The following KDM4B variants were observed in gnomAD, a reference collection of about 807,000 sequenced individuals.
The protein encoded by KDM4B is lysine demethylase 4B.
In KDM4B, 32 loss-of-function variants were observed where a neutral mutation model predicts 125.2. The ratio of observed to expected loss-of-function variants is 0.26; its 90% CI spans 0.19 to 0.34. The LOEUF (loss-of-function observed/expected upper bound fraction) is 0.34. Ranked by LOEUF, KDM4B falls within the 10% of genes least tolerant of loss-of-function variation. KDM4B has a pLI of 1.00. For synonymous variants in KDM4B, 721 were observed against 677.9 expected (o/e 1.06, Z -0.99); for missense variants, 1,190 against 1,577.7 (o/e 0.75, Z 4.16).
Position 5,040,094 on chromosome 19 carries a change from C to T in KDM4B, c.317+83C>T, listed in dbSNP as rs7259650. On this transcript the variant is annotated intron_variant, in intron 4 of 22. Coordinates refer to ENST00000159111, the MANE Select transcript of KDM4B (RefSeq NM_015015.3). ...GGGGGCCCTGGGGGCAGAGAAGGTG[C>T]GGTACACGCAGCCCCCACAGCATGG... is the stretch of plus-strand genomic sequence containing the variant. The T allele has an allele frequency of 6.6e-4, 915 of 1,395,644 alleles. 2 individuals are homozygous for T. In the African/African-American group the frequency reaches 8.2e-3, roughly 12 times the overall value. The allele number at this position is 1,395,644 out of a possible 1,614,324, so 86.5% of individuals were successfully genotyped here.
intron 2 of KDM4B, among the ~76,000 whole-genome samples, chr19:5,031,337 C>T (rs2036448982): frequency 6.6e-6 from 1 of 152,254 alleles, no homozygotes; most frequent in Non-Finnish European, 1.5e-5. Context: ...TGACAGGTGC[C>T]TTGCCTTGAC....
intron 18 of KDM4B, among the ~76,000 whole-genome samples, chr19:5,139,069 C>A (rs892427612): frequency 3.9e-5 from 6 of 152,176 alleles, no homozygotes; most frequent in Admixed American, 1.3e-4. Context: ...ACCACAAGCA[C>A]GTGCCAAAAA....
chr19:4,989,572 C>T (rs999754310), intron 1 of KDM4B, among the ~76,000 whole-genome samples: 2 of 151,760 alleles, frequency 1.3e-5, no homozygotes, highest in African/African-American at 4.8e-5. Context: ...AACTCCTGAC[C>T]TCAGGTGATC....
intron 6 of KDM4B, among the ~76,000 whole-genome samples, chr19:5,068,701 C>G (rs1438010726): frequency 6.6e-6 from 1 of 152,212 alleles, no homozygotes; most frequent in Non-Finnish European, 1.5e-5. Context: ...GGTGGCGGAG[C>G]CCAGAAGTCT....
At chr19:5,091,719 G>GAGCCCAGGGGGAGGC (rs1371237187) in intron 9 of KDM4B, among the ~76,000 whole-genome samples, 16 of 150,092 alleles carry the variant, frequency 1.1e-4, no homozygotes, top group African/African-American at 2.4e-4. Flanking sequence ...CAGGGGGAGG[G>GAGCCCAGGGGGAGGC]AGCCCAGGGG....
chr19:5,111,796 C>A, intron 10 of KDM4B: 1 of 765,208 alleles, frequency 1.3e-6, no homozygotes, highest in Non-Finnish European at 2.4e-6. Context: ...TGTGTCTCGA[C>A]GTCTCGACTC....
At chr19:4,980,184 C>T (rs1162938365) in intron 1 of KDM4B, among the ~76,000 whole-genome samples, 1 of 152,092 alleles carries the variant, frequency 6.6e-6, no homozygotes, top group East Asian at 1.9e-4. Flanking sequence ...AATGTTAGAA[C>T]CTTTCTATTA....
intron 1 of KDM4B, among the ~76,000 whole-genome samples, chr19:4,974,931 TG>T (rs1294577896): frequency 6.6e-6 from 1 of 152,092 alleles, no homozygotes; most frequent in Non-Finnish European, 1.5e-5. Flanking sequence ...TTCTTCCTCC[TG>T]CACCTGCTCC....
intron 2 of KDM4B, among the ~76,000 whole-genome samples, chr19:5,018,330 A>C (rs1395191202): frequency 6.6e-6 from 1 of 152,198 alleles, no homozygotes; most frequent in Non-Finnish European, 1.5e-5. Context: ...ATCCTGCCGA[A>C]GTTCACCACA....
chr19:5,097,801 C>G (rs966950726), intron 9 of KDM4B, among the ~76,000 whole-genome samples: 1 of 152,216 alleles, frequency 6.6e-6, no homozygotes, highest in Non-Finnish European at 1.5e-5. Context: ...TCTATGAGTT[C>G]TGTCTCCGTT....
At chr19:5,097,494 C>T (rs1412411215) in intron 9 of KDM4B, among the ~76,000 whole-genome samples, 1 of 152,242 alleles carries the variant, frequency 6.6e-6, no homozygotes, top group Non-Finnish European at 1.5e-5. Flanking sequence ...CTCAAGGGAT[C>T]CTCCTGCCTT....
chr19:5,100,738 T>A (rs113430675), intron 9 of KDM4B, among the ~76,000 whole-genome samples: 4,152 of 152,308 alleles, frequency 0.027, 87 homozygotes, highest in Non-Finnish European at 0.047. Context: ...TATTAATTTG[T>A]TTTCTGGAAG....
chr19:5,124,214 A>G (rs1165785296), intron 11 of KDM4B, among the ~76,000 whole-genome samples: 1 of 124,972 alleles, frequency 8.0e-6, no homozygotes, highest in Non-Finnish European at 1.6e-5. Flanking sequence ...TTAACTGCCC[A>G]TGTGACCCTG....
chr19:5,137,598 C>T, intron 16 of KDM4B, 23 bp from the exon 17 acceptor site: 2 of 1,599,126 alleles, frequency 1.3e-6, no homozygotes, highest in Non-Finnish European at 1.7e-6. Flanking sequence ...CCCTGCTCAT[C>T]CAGGGCTGTC....
chr19:5,067,453 G>C (rs1291762051), intron 6 of KDM4B, among the ~76,000 whole-genome samples: 1 of 152,244 alleles, frequency 6.6e-6, no homozygotes, highest in East Asian at 1.9e-4. Flanking sequence ...CACAGCCCCA[G>C]TCCTGGGGAC....
chr19:5,036,137 G>C (rs911699998), intron 3 of KDM4B, among the ~76,000 whole-genome samples: 1 of 152,216 alleles, frequency 6.6e-6, no homozygotes, highest in African/African-American at 2.4e-5. Context: ...GTGCCCTGCT[G>C]GTTCTGAGCG....
chr19:5,027,347 T>A (rs1238636021), intron 2 of KDM4B, among the ~76,000 whole-genome samples: 1 of 151,952 alleles, frequency 6.6e-6, no homozygotes, highest in Non-Finnish European at 1.5e-5. Flanking sequence ...CACCCGGCTG[T>A]TTCCCACGCC....
At chr19:5,000,557 C>T (rs1350197067) in intron 1 of KDM4B, among the ~76,000 whole-genome samples, 3 of 152,092 alleles carry the variant, frequency 2.0e-5, no homozygotes, top group East Asian at 1.9e-4. Flanking sequence ...ACTCCCTTGG[C>T]TGACAGTGAG....
chr19:5,037,259 GA>G (rs2145644654), intron 3 of KDM4B, among the ~76,000 whole-genome samples: 1 of 152,310 alleles, frequency 6.6e-6, no homozygotes, highest in Admixed American at 6.5e-5. Flanking sequence ...GCTTCCTGGA[GA>G]GGGGGGACAG....
Sources: gnomAD v4.1 joint callset for allele counts (sites outside exome capture counted in the v4.1 genomes callset) on GRCh38, gnomAD v4.1.1 for gene constraint, MANE v1.5 for transcripts, NCBI Gene and HGNC (gene_info 2026-07-23, HGNC 2026-07-21) for gene names.